The following NLGN4X variants were observed in gnomAD, a reference collection of about 807,000 sequenced individuals.
NLGN4X encodes the protein neuroligin-4, X-linked.
In NLGN4X, 3 loss-of-function variants were observed where a neutral mutation model predicts 40.3. That is an observed-to-expected ratio of 0.07 (90% CI 0.03 to 0.19). NLGN4X has a LOEUF of 0.19. Ranked by LOEUF, NLGN4X falls within the 10% of genes least tolerant of loss-of-function variation. The pLI is 1.00. For missense variants in NLGN4X, 382 were observed against 708.3 expected (o/e 0.54, Z 5.23); for synonymous variants, 270 against 306.8 (o/e 0.88, Z 1.25).
intron 2 of NLGN4X, among the ~76,000 whole-genome samples, chrX:6,087,597 T>C (rs1231515307): frequency 9.0e-6 from 1 of 111,703 alleles, no homozygotes; most frequent in Non-Finnish European, 1.9e-5. Flanking sequence ...ATCTGTAAGA[T>C]AGATTCCTGG....
At position 6,156,929 on chromosome X, in the gene NLGN4X, T is replaced by C. The variant is rs149305918; in HGVS notation, c.-305-5158A>G. Among the ~76,000 whole-genome samples, 641 of 111,001 alleles carry C rather than the reference T, an allele frequency of 5.8e-3. 2 individuals are homozygous for C. The highest frequency in any genetic ancestry group is 7.2e-3 in the Non-Finnish European group (384 of 53,007). ...TTAAGGTAAAAAAAAATGTTATTGG[T>C]ATACACACAAAAAAAATTTACCATT... On this transcript the variant is annotated intron_variant, in intron 1 of 5. Transcript: ENST00000381095.
chrX:6,129,790 T>C (rs910486895), intron 2 of NLGN4X, among the ~76,000 whole-genome samples: 1 of 89,783 alleles, frequency 1.1e-5, no homozygotes. Flanking sequence ...TCCTTTTTTA[T>C]AGTGAAATGT....
chrX:6,222,405 C>G (rs145702289), intron 1 of NLGN4X, among the ~76,000 whole-genome samples: 2,735 of 111,610 alleles, frequency 0.025, 39 homozygotes, highest in African/African-American at 0.053. Flanking sequence ...AAATAGCACT[C>G]TGTTACTTTG....
chrX:6,115,496 A>T (rs1298213525), intron 2 of NLGN4X, among the ~76,000 whole-genome samples: 2 of 111,341 alleles, frequency 1.8e-5, no homozygotes, highest in Non-Finnish European at 3.8e-5. Context: ...TGAAGGAGAG[A>T]GATGAATTAA....
intron 2 of NLGN4X, among the ~76,000 whole-genome samples, chrX:6,033,380 A>C (rs766213875): frequency 1.8e-3 from 197 of 112,510 alleles, no homozygotes; most frequent in African/African-American, 6.0e-3. Context: ...CTCTGTGTTT[A>C]GAGAAGCACT....
rs201927036 is a variant in NLGN4X, at chrX:6,184,602, TA to T, written c.-305-32832del. On this transcript the variant is annotated intron_variant, in intron 1 of 5. Coordinates refer to ENST00000381095, the MANE Select transcript of NLGN4X (RefSeq NM_181332.3). ...TTGCTTCCAAGTTGCTATCTTCTAT[TA>T]AAAAAAAAATTCATAAGACATTGCA... Among the ~76,000 whole-genome samples the T allele has an allele frequency of 5.9e-3, 643 of 108,273 alleles. 6 individuals carry two copies. Among genetic ancestry groups the T allele is most frequent in the African/African-American group, 0.019 (558 of 29,788 alleles). 94.0% of individuals were successfully genotyped at this position (108,273 alleles called of 115,157 possible). A position where few individuals can be genotyped will look rare whatever the true frequency, so the allele number is the denominator to read the frequency against.
chrX:6,045,854 T>C (rs2037304142), intron 2 of NLGN4X, among the ~76,000 whole-genome samples: 1 of 111,523 alleles, frequency 9.0e-6, no homozygotes, highest in African/African-American at 3.3e-5. Flanking sequence ...TCGAAGCCTA[T>C]ATGTTTTTAT....
At chrX:5,948,446 A>T (rs1360292801) in intron 3 of NLGN4X, among the ~76,000 whole-genome samples, 1 of 112,506 alleles carries the variant, frequency 8.9e-6, no homozygotes, top group African/African-American at 3.2e-5. Flanking sequence ...ATTAGGAACT[A>T]CTCATGACAA....
In NLGN4X at chrX:5,890,560, A is replaced by G; in HGVS notation, c.*2257T>C. On this transcript the variant is annotated 3_prime_UTR_variant, in exon 6 of 6. Transcript: ENST00000381095. ...GACGAAACCAACATGGATGCCACACATAACTTCCTTTGTAGTTTCACAGAG... is the reference window on the plus strand; with the variant it reads ...GACGAAACCAACATGGATGCCACACGTAACTTCCTTTGTAGTTTCACAGAG... 6.2e-6 allele frequency: 2 copies of G among 324,714 alleles called. No homozygotes were observed. Among genetic ancestry groups the G allele is most frequent in the South Asian group, 2.7e-5 (1 of 36,951 alleles). The allele number at this position is 324,714 out of a possible 1,213,427, so 26.8% of individuals were successfully genotyped here.
intron 1 of NLGN4X, among the ~76,000 whole-genome samples, chrX:6,196,307 C>CT (rs1923043775): frequency 9.0e-6 from 1 of 111,085 alleles, no homozygotes; most frequent in South Asian, 3.9e-4. Flanking sequence ...ATCCCAGCTA[C>CT]TCGGGAGGCC....
chrX:6,063,813 A>G (rs1488631772), intron 2 of NLGN4X, among the ~76,000 whole-genome samples: 1 of 112,064 alleles, frequency 8.9e-6, no homozygotes, highest in Non-Finnish European at 1.9e-5. Context: ...ATAATCACTT[A>G]AGGACAAATT....
chrX:5,965,752 G>T (rs779376455), intron 3 of NLGN4X, among the ~76,000 whole-genome samples: 1 of 111,819 alleles, frequency 8.9e-6, no homozygotes, highest in South Asian at 3.7e-4. Flanking sequence ...CTGACACAAG[G>T]TGACACTTTT....
chrX:5,983,651 T>C (rs1052979344), intron 3 of NLGN4X, among the ~76,000 whole-genome samples: 8 of 111,827 alleles, frequency 7.2e-5, no homozygotes, highest in African/African-American at 2.3e-4. Context: ...TGAAAAAAGC[T>C]GGGAAACCGG....
chrX:5,907,718 G>C (rs1475539533), intron 4 of NLGN4X, among the ~76,000 whole-genome samples: 1 of 110,040 alleles, frequency 9.1e-6, no homozygotes, highest in East Asian at 2.9e-4. Context: ...CGTGCTGACT[G>C]GCCCAGCAAG....
rs566429703 is a variant in NLGN4X, at chrX:6,188,524, CT to C, written c.-305-36754del. On this transcript the variant is annotated intron_variant, in intron 1 of 5. Coordinates refer to ENST00000381095, the MANE Select transcript of NLGN4X (RefSeq NM_181332.3). ...TTTGTAATAACATTCAAATACTGTC[CT>C]TTTTTTTTTTTAGTCGTTGATTCCC... Among the ~76,000 whole-genome samples, 338 of 102,703 alleles carry C rather than the reference CT, an allele frequency of 3.3e-3. 1 individual carries two copies. The highest frequency in any genetic ancestry group is 7.0e-3 in the African/African-American group (200 of 28,612). The allele number at this position is 102,703 out of a possible 115,157, so 89.2% of individuals were successfully genotyped here.
At chrX:6,225,340 C>T (rs1330455641) in intron 1 of NLGN4X, among the ~76,000 whole-genome samples, 2 of 108,923 alleles carry the variant, frequency 1.8e-5, no homozygotes, top group African/African-American at 6.7e-5. Flanking sequence ...TCCCCACAGC[C>T]AACTAAAGGT....
intron 2 of NLGN4X, among the ~76,000 whole-genome samples, chrX:6,104,976 G>A (rs1351864693): frequency 1.8e-5 from 2 of 111,667 alleles, no homozygotes; most frequent in African/African-American, 6.5e-5. Flanking sequence ...TCATAATTCA[G>A]ATACTGGGAC....
intron 3 of NLGN4X, among the ~76,000 whole-genome samples, chrX:6,018,713 C>T (rs943205705): frequency 8.9e-6 from 1 of 111,902 alleles, no homozygotes; most frequent in African/African-American, 3.3e-5. Context: ...TTTATGACTA[C>T]AGCCCTATAA....
chrX:6,185,351 C>T (rs1246752605), intron 1 of NLGN4X, among the ~76,000 whole-genome samples: 2 of 111,925 alleles, frequency 1.8e-5, no homozygotes, highest in African/African-American at 6.5e-5. Context: ...TTTCAGCAGG[C>T]ACTGTGGAAA....
Sources: gnomAD v4.1 joint callset for allele counts (sites outside exome capture counted in the v4.1 genomes callset) on GRCh38, gnomAD v4.1.1 for gene constraint, MANE v1.5 for transcripts, NCBI Gene and HGNC (gene_info 2026-07-23, HGNC 2026-07-21) for gene names.